Variants in RAB3IP observed in about 807,000 individuals in gnomAD.
RAB3IP encodes the protein RAB3A interacting protein, also known as rab-3A-interacting protein.
In RAB3IP, 36 loss-of-function variants were observed where a neutral mutation model predicts 59.1. That is an observed-to-expected ratio of 0.61 (90% CI 0.47 to 0.80). RAB3IP has a LOEUF of 0.80. RAB3IP is among the 30% of genes least tolerant of loss of function. The pLI is 0.00. For synonymous variants in RAB3IP, 207 were observed against 191.2 expected, an observed-to-expected ratio of 1.08 and a Z score of -0.68; for missense variants, 511 against 536.0, an observed-to-expected ratio of 0.95 and a Z score of 0.46.
chr12:69,750,541 T>A, intron 1 of RAB3IP, among the ~76,000 whole-genome samples: 1 of 131,150 alleles, frequency 7.6e-6, no homozygotes, highest in Admixed American at 8.3e-5. Context: ...TCCCTCTACC[T>A]CGTTTTTTTT....
chr12:69,806,079 C>T (rs1015486394), intron 8 of RAB3IP, among the ~76,000 whole-genome samples: 28 of 152,304 alleles, frequency 1.8e-4, no homozygotes, highest in African/African-American at 5.5e-4. Context: ...ATGGTACCAG[C>T]TCCTCCTTGT....
chr12:69,768,686 G>A (rs1295138597), intron 3 of RAB3IP, among the ~76,000 whole-genome samples: 1 of 152,168 alleles, frequency 6.6e-6, no homozygotes, highest in East Asian at 1.9e-4. Context: ...TTGCTGCCCA[G>A]GAGAAACTGC....
At chr12:69,780,927 A>G (rs1011223604) in intron 3 of RAB3IP, among the ~76,000 whole-genome samples, 5 of 152,188 alleles carry the variant, frequency 3.3e-5, no homozygotes, top group South Asian at 2.1e-4. Context: ...GCCATAAACA[A>G]TACTAAACTG....
chr12:69,755,293 A>G (rs148027912), intron 1 of RAB3IP, 91 bp from the exon 2 acceptor site: 1 of 1,113,962 alleles, frequency 9.0e-7, no homozygotes, highest in Non-Finnish European at 1.3e-6. Context: ...TTTACAATGG[A>G]CTGTTAAACA....
chr12:69,805,857 A>T (rs1879177454), intron 8 of RAB3IP, among the ~76,000 whole-genome samples: 1 of 152,164 alleles, frequency 6.6e-6, no homozygotes, highest in East Asian at 1.9e-4. Flanking sequence ...CCACTTGATC[A>T]TGGTGGATAA....
At chr12:69,779,381 C>G (rs566101107) in intron 3 of RAB3IP, among the ~76,000 whole-genome samples, 2 of 151,522 alleles carry the variant, frequency 1.3e-5, no homozygotes, top group East Asian at 2.0e-4. Flanking sequence ...TCTTCTGCGT[C>G]GCTCACGCTG....
chr12:69,760,602 G>A (rs527648998), intron 3 of RAB3IP, among the ~76,000 whole-genome samples: 10 of 152,120 alleles, frequency 6.6e-5, no homozygotes, highest in Non-Finnish European at 1.5e-4. Flanking sequence ...CATGTTTGAT[G>A]GTGATAAATT....
chr12:69,807,091 C>G (rs1879449915), intron 8 of RAB3IP, among the ~76,000 whole-genome samples: 1 of 152,204 alleles, frequency 6.6e-6, no homozygotes, highest in South Asian at 2.1e-4. Context: ...CGGTCGCTGT[C>G]TCTTCGGAGC....
rs780320204 is a variant in RAB3IP at position 69,755,392 on chromosome 12, A to T, written c.-17A>T. ...TTTTTGTTTTAACATAGGTTATCTT[A>T]TGATGAGGCTTTTGCTATGGCTAAT... On this transcript the variant is annotated 5_prime_UTR_variant, in exon 2 of 11. It removes an upstream start codon present in the reference 5' UTR. Transcript: ENST00000247833. 6.2e-7 allele frequency: 1 copy of T among 1,613,386 alleles called. No individual in the cohort carries two copies. Among genetic ancestry groups the T allele is most frequent in the East Asian group, 2.2e-5 (1 of 44,882 alleles).
At chr12:69,786,338 C>A (rs1430090333) in intron 4 of RAB3IP, among the ~76,000 whole-genome samples, 1 of 152,138 alleles carries the variant, frequency 6.6e-6, no homozygotes, top group African/African-American at 2.4e-5. Flanking sequence ...CTGCTCCATA[C>A]CCCTTTGCCT....
At chr12:69,802,307 T>C (rs553161998) in intron 8 of RAB3IP, among the ~76,000 whole-genome samples, 30 of 152,124 alleles carry the variant, frequency 2.0e-4, no homozygotes, top group Non-Finnish European at 3.8e-4. Context: ...ATGAGATCTC[T>C]CTTTTCATAT....
chr12:69,765,132 T>G (rs1451768131), intron 3 of RAB3IP, among the ~76,000 whole-genome samples: 2 of 152,194 alleles, frequency 1.3e-5, no homozygotes, highest in Non-Finnish European at 2.9e-5. Flanking sequence ...GCCTTTTACT[T>G]TTTTCTCTTG....
intron 3 of RAB3IP, among the ~76,000 whole-genome samples, chr12:69,782,109 C>T (rs893217392): frequency 6.6e-6 from 1 of 152,186 alleles, no homozygotes; most frequent in Admixed American, 6.5e-5. Context: ...ACCACTAACT[C>T]GTGTTCTGAG....
intron 3 of RAB3IP, among the ~76,000 whole-genome samples, chr12:69,760,263 G>T (rs1269319519): frequency 1.3e-5 from 2 of 152,266 alleles, no homozygotes; most frequent in South Asian, 2.1e-4. Context: ...GCCTGCAATA[G>T]CAGGCACTCG....
chr12:69,802,196 A>G (rs1022610125), intron 8 of RAB3IP, among the ~76,000 whole-genome samples: 4 of 151,900 alleles, frequency 2.6e-5, no homozygotes, highest in Non-Finnish European at 5.9e-5. Context: ...GTTTCTGTAT[A>G]AAATACTTCT....
chr12:69,812,700 A>G (rs1880620877), intron 8 of RAB3IP, 78 bp from the exon 9 acceptor site: 3 of 910,878 alleles, frequency 3.3e-6, no homozygotes, highest in South Asian at 3.2e-5. Flanking sequence ...ATCTAACTGA[A>G]TGAATAGGCA....
Position 69,807,126 on chromosome 12 carries a change from G to T in RAB3IP, c.1130+5405G>T, listed in dbSNP as rs185925352. 6.8e-3 allele frequency among the ~76,000 whole-genome samples: 1,031 copies of T among 152,222 alleles called. 8 individuals are homozygous for T. The highest frequency in any genetic ancestry group is 0.023 in the African/African-American group (950 of 41,524). On this transcript the variant is annotated intron_variant, in intron 8 of 10. Transcript: ENST00000247833. ...CTGTTGGGTACACCTCCCAGACGGG[G>T]CGGCCGGGCAGAGGTGCTCCTCACT...
chr12:69,810,793 G>A (rs2136283028), intron 8 of RAB3IP, among the ~76,000 whole-genome samples: 1 of 152,252 alleles, frequency 6.6e-6, no homozygotes, highest in South Asian at 2.1e-4. Context: ...TTGTGGAAGA[G>A]GATTACGGTC....
intron 3 of RAB3IP, among the ~76,000 whole-genome samples, chr12:69,759,660 A>G (rs1207447906): frequency 3.5e-5 from 1 of 28,414 alleles, no homozygotes; most frequent in Non-Finnish European, 9.3e-5. Context: ...CGGGGGCTGA[A>G]CCCCCACCTC....
Sources: allele counts gnomAD v4.1 joint callset (sites outside exome capture counted in the v4.1 genomes callset), GRCh38; gene constraint gnomAD v4.1.1; transcripts MANE v1.5; gene names NCBI Gene and HGNC (gene_info 2026-07-23, HGNC 2026-07-21).